The following ARVCF variants were observed in gnomAD, a reference collection of about 807,000 sequenced individuals.
ARVCF encodes splicing regulator ARVCF.
A neutral mutation model predicts 90.9 loss-of-function variants in ARVCF; 66 were observed. That is an observed-to-expected ratio of 0.73 (90% CI 0.60 to 0.89). The LOEUF is 0.89. ARVCF is among the 40% of genes least tolerant of loss of function. The pLI is 0.00. For synonymous variants in ARVCF, 653 were observed against 603.4 expected, an observed-to-expected ratio of 1.08 and a Z score of -1.21; for missense variants, 1,469 against 1,382.3, an observed-to-expected ratio of 1.06 and a Z score of -1.00.
chr22:19,978,128 C>T lies in ARVCF; in HGVS notation c.1581-53G>A, dbSNP rs190556666. 1.3e-4 allele frequency: 191 copies of T among 1,520,414 alleles called. No individual in the cohort carries two copies. In the Admixed American group the frequency reaches 3.5e-3, roughly 28 times the overall value. The allele number at this position is 1,520,414 out of a possible 1,614,324, so 94.2% of individuals were successfully genotyped here. On this transcript the variant is annotated intron_variant, in intron 7 of 19. Coordinates refer to ENST00000263207, the MANE Select transcript of ARVCF (RefSeq NM_001670.3). ...CCCCTGGCTACCAGAAACTCCCTGGCTCCACCCTGGCCTTGTGGGCTTGTC... is the reference window on the plus strand; with the variant it reads ...CCCCTGGCTACCAGAAACTCCCTGGTTCCACCCTGGCCTTGTGGGCTTGTC...
At position 19,973,021 on chromosome 22, in the gene ARVCF, T is replaced by C; in HGVS notation, c.2454A>G (p.Glu818=). 2 of 1,613,128 alleles carry C rather than the reference T, an allele frequency of 1.2e-6. No homozygotes were observed. The highest frequency in any genetic ancestry group is 1.1e-5 in the South Asian group (1 of 91,086). The part of the protein sequence containing the change: ...ALVASSQSVR[E]AKAASHVLQT... ...GCAGCACGTGTGACGCCGCCTTCGC[T>C]TCGCGTACCGATTGGCTGTGGGGCC... is the stretch of plus-strand genomic sequence containing the variant. Residue 818 remains glutamate (E), a synonymous_variant, in exon 15 of 20, where the codon GAA becomes GAG. Transcript: ENST00000263207.
Position 19,977,297 on chromosome 22 carries a change from T to A in ARVCF, c.1870+118A>T, listed in dbSNP as rs185739845. On this transcript the variant is annotated intron_variant, in intron 9 of 19. Transcript: ENST00000263207. The stretch of plus-strand genomic sequence containing the variant: ...ACTCCTGGCTTCCCTGCCTGCCTGT[T>A]GGGGGCTGACCAGGTGTCCTCTAGC... 3.1e-3 allele frequency: 4,129 copies of A among 1,341,892 alleles called. 21 individuals carry two copies. The highest frequency in any genetic ancestry group is 2.8e-3 in the Non-Finnish European group (2,875 of 1,015,012). 83.1% of individuals were successfully genotyped at this position (1,341,892 alleles called of 1,614,324 possible).
downstream of ARVCF, chr22:19,969,423 G>A (rs1413749334): frequency 6.6e-6 from 1 of 152,560 alleles, no homozygotes; most frequent in African/African-American, 2.4e-5. Flanking sequence ...TACAGAAGAG[G>A]CAATGGCTCA....
chr22:19,974,396 C>A, intron 11 of ARVCF, 157 bp from the exon 12 acceptor site: 1 of 892,126 alleles, frequency 1.1e-6, no homozygotes, highest in African/African-American at 1.7e-5. Context: ...AACATATAGT[C>A]ACCCAAGGGG....
In ARVCF at chr22:19,990,374, G is replaced by A. The variant is rs564027023; in HGVS notation, c.210+211C>T. 4.6e-5 allele frequency among the ~76,000 whole-genome samples: 7 copies of A among 152,338 alleles called. No homozygotes were observed. In the South Asian group the frequency reaches 1.4e-3, roughly 32 times the overall value. ...CTCAGTGGAGGGTGCTGTTCTGAGT[G>A]TTGGGCTGTGTCCTGCCCACTCTTC... On this transcript the variant is annotated intron_variant, in intron 3 of 19. Transcript: ENST00000263207.
Position 19,977,554 on chromosome 22 carries a change from G to A in ARVCF, c.1731C>T (p.Asn577=). 6.4e-7 allele frequency: 1 copy of A among 1,571,882 alleles called. No individual in the cohort carries two copies. The highest frequency in any genetic ancestry group is 8.6e-7 in the Non-Finnish European group (1 of 1,159,164). The stretch of plus-strand genomic sequence containing the variant: ...CCTCCTTGTGCACGTGGTAGGACAG[G>A]TTCCGCATGATGCACACGCAGTTCT... The part of the protein sequence containing the change: ...SVENCVCIMR[N]LSYHVHKEVP... The change falls in exon 9 of 20, where the codon AAC becomes AAT. Residue 577 remains asparagine (N), a synonymous_variant. Transcript: ENST00000263207.
intron 16 of ARVCF, 144 bp from the exon 17 acceptor site, chr22:19,972,555 C>A: frequency 8.1e-7 from 1 of 1,237,546 alleles, no homozygotes. Context: ...AGCCTCACCC[C>A]AGCTTGACAA....
At position 19,981,739 on chromosome 22, in the gene ARVCF, T is replaced by C; in HGVS notation, c.370-2A>G. The C allele has an allele frequency of 6.4e-7, 1 of 1,560,774 alleles. No homozygotes were observed. The highest frequency in any genetic ancestry group is 2.3e-5 in the East Asian group (1 of 44,336). On this transcript the variant is annotated splice_acceptor_variant, in intron 4 of 19. Transcript: ENST00000263207. LOFTEE classifies it high-confidence loss of function. Reference sequence around the variant, plus strand: ...CACCGTCTTGACAGTCTTGGTGACCTGGTGGATGGATAGGCAGGTAGGTGG... The same window carrying C: ...CACCGTCTTGACAGTCTTGGTGACCCGGTGGATGGATAGGCAGGTAGGTGG...
At chr22:19,998,784 C>T (rs2146430278) in intron 2 of ARVCF, among the ~76,000 whole-genome samples, 1 of 152,328 alleles carries the variant, frequency 6.6e-6, no homozygotes, top group East Asian at 1.9e-4. Flanking sequence ...CAGGCAGGGG[C>T]CGTGAGACGG....
chr22:19,988,168 C>T lies in ARVCF; in HGVS notation c.210+2417G>A, dbSNP rs555158886. ...AGGGACCACTCCCTGCTGCCCTGAG[C>T]GCCATATACAGAGGCCACTCGGCTA... On this transcript the variant is annotated intron_variant, in intron 3 of 19. Transcript: ENST00000263207. Among the ~76,000 whole-genome samples, 25 of 152,286 alleles carry T rather than the reference C, an allele frequency of 1.6e-4. No individual in the cohort carries two copies. The South Asian group carries it at 2.9e-3, about 18-fold the overall frequency.
intron 2 of ARVCF, among the ~76,000 whole-genome samples, chr22:20,001,429 C>T (rs887181581): frequency 9.2e-5 from 14 of 152,200 alleles, no homozygotes; most frequent in Non-Finnish European, 1.6e-4. Flanking sequence ...TCACATTTAG[C>T]GCATTTCTTA....
Position 19,973,039 on chromosome 22 carries a change from G to C in ARVCF, c.2439-3C>G. ...CCTTCGCTTCGCGTACCGATTGGCT[G>C]TGGGGCCGGGGGCGGGGTCAGTGGT... On this transcript the variant is annotated splice_polypyrimidine_tract_variant and splice_region_variant and intron_variant, in intron 14 of 19. Coordinates refer to ENST00000263207, the MANE Select transcript of ARVCF (RefSeq NM_001670.3). 6.2e-7 allele frequency: 1 copy of C among 1,612,682 alleles called. No individual in the cohort carries two copies. Among genetic ancestry groups the C allele is most frequent in the Non-Finnish European group, 8.5e-7 (1 of 1,179,886 alleles).
intron 16 of ARVCF, 81 bp downstream of exon 16, chr22:19,972,656 T>TCCA: frequency 6.9e-7 from 1 of 1,441,868 alleles, no homozygotes; most frequent in Non-Finnish European, 9.3e-7. Context: ...GCCTGACTCC[T>TCCA]CCTTCACCTT....
intron 3 of ARVCF, among the ~76,000 whole-genome samples, chr22:19,984,605 C>A (rs1943668523): frequency 6.6e-6 from 1 of 152,204 alleles, no homozygotes; most frequent in Non-Finnish European, 1.5e-5. Flanking sequence ...CAGACAGGGA[C>A]ACATGCATGT....
intron 18 of ARVCF, 117 bp from the exon 19 acceptor site, chr22:19,971,452 G>T: frequency 7.9e-7 from 1 of 1,259,414 alleles, no homozygotes; most frequent in Non-Finnish European, 1.1e-6. Flanking sequence ...TGCCAGGACA[G>T]CACAGGTAGC....
rs577340913 is a variant in ARVCF, at chr22:19,975,012, G to A, written c.1960+674C>T. Among the ~76,000 whole-genome samples the A allele has an allele frequency of 1.1e-4, 16 of 152,218 alleles. No homozygotes were observed. In the South Asian group the frequency reaches 1.9e-3, roughly 18 times the overall value. On this transcript the variant is annotated intron_variant, in intron 11 of 19. Transcript: ENST00000263207. ...CCCAGTGACATTTCATCACACCCTC[G>A]CCAGTCCTCATGCCCCATGCTCCCT...
In ARVCF at chr22:20,004,552, T is replaced by C. The variant is rs532476938; in HGVS notation, c.-19+5903A>G. Among the ~76,000 whole-genome samples, 4 of 150,860 alleles carry C rather than the reference T, an allele frequency of 2.7e-5. No homozygotes were observed. In the South Asian group the frequency reaches 8.3e-4, roughly 31 times the overall value. ...TTTGCAGAAACAGAGAAATCTATCA[T>C]AAGATTTATATCGATCTTTAAGGAG... On this transcript the variant is annotated intron_variant, in intron 2 of 19. Transcript: ENST00000263207.
rs574097179 is a variant in ARVCF, at chr22:19,990,713, G to A, written c.82C>T (p.Arg28Trp). The change falls in exon 3 of 20, where the codon CGG becomes TGG. Residue 28 changes from arginine to tryptophan, a missense_variant. Transcript: ENST00000263207. ...TGGCGCCGCTCCTGCTCCAGTGCCC[G>A]TGTCAGCCTCTCGAAGCGGGCCTCC... Reference protein sequence around the residue: ...EQEARFERLTRALEQERRHVA... With the variant: ...EQEARFERLTWALEQERRHVA... 1.9e-5 allele frequency: 30 copies of A among 1,596,802 alleles called. No homozygotes were observed. Among genetic ancestry groups the A allele is most frequent in the Admixed American group, 1.7e-4 (10 of 58,520 alleles).
intron 12 of ARVCF, 130 bp from the exon 13 acceptor site, chr22:19,973,923 CG>C (rs1942998959): frequency 1.4e-6 from 2 of 1,477,330 alleles, no homozygotes; most frequent in Admixed American, 4.2e-5. Context: ...AAAAGCTCAA[CG>C]GCACCTCCAC....
Sources: gnomAD v4.1 joint callset for allele counts (sites outside exome capture counted in the v4.1 genomes callset) on GRCh38, gnomAD v4.1.1 for gene constraint, MANE v1.5 for transcripts, NCBI Gene and HGNC (gene_info 2026-07-23, HGNC 2026-07-21) for gene names.